The following CNGA3 variants were observed in gnomAD, a reference collection of about 807,000 sequenced individuals.
CNGA3 encodes the protein cyclic nucleotide-gated channel alpha-3.
CNGA3 carries 42 observed loss-of-function variants against 46.6 expected under a neutral mutation model. The ratio of observed to expected loss-of-function variants is 0.90; its 90% CI spans 0.70 to 1.17. CNGA3 has a LOEUF of 1.17. CNGA3 is among the 50% of genes most tolerant of loss of function. The pLI is 0.00. For synonymous variants in CNGA3, 394 were observed against 369.4 expected (o/e 1.07, Z -0.76); for missense variants, 893 against 890.7 (o/e 1.00, Z -0.03).
intron 3 of CNGA3, 38 bp from the exon 4 acceptor site, chr2:98,380,137 T>C: frequency 6.2e-7 from 1 of 1,611,802 alleles, no homozygotes; most frequent in Non-Finnish European, 8.5e-7. Context: ...GGGGGGCTTT[T>C]CCTCTCCCTC....
chr2:98,365,523 C>T (rs1692127038), intron 1 of CNGA3, among the ~76,000 whole-genome samples: 1 of 152,094 alleles, frequency 6.6e-6, no homozygotes, highest in Non-Finnish European at 1.5e-5. Flanking sequence ...TCCATTCTAC[C>T]CATCTCTTTC....
At chr2:98,369,176 G>A (rs11684812) in intron 1 of CNGA3, among the ~76,000 whole-genome samples, 8,108 of 152,236 alleles carry the variant, frequency 0.053, 293 homozygotes, top group Non-Finnish European at 0.082. Context: ...TTCGGCCTAC[G>A]CCCAGGAATG....
In CNGA3 at chr2:98,396,903, G is replaced by T; in HGVS notation, c.1733G>T (p.Cys578Phe). 1.2e-6 allele frequency: 2 copies of T among 1,614,164 alleles called. No homozygotes were observed. The highest frequency in any genetic ancestry group is 1.7e-6 in the Non-Finnish European group (2 of 1,180,042). ...IRSIGYSDLF[C>F]LSKDDLMEAL... ...AGCATTGGCTACTCAGACCTGTTCT[G>T]CCTCTCAAAGGACGATCTCATGGAG... The change falls in exon 8 of 8, where the codon TGC (cysteine) becomes TTC (phenylalanine). Residue 578 changes from cysteine to phenylalanine, a missense_variant. Cys to Phe is a radical substitution (Grantham distance 205, BLOSUM62 -2). This residue lies in a region of CNGA3 where 548 missense variants were observed against 570.8 expected (regional missense o/e 0.96). Coordinates refer to ENST00000272602, the MANE Select transcript of CNGA3 (RefSeq NM_001298.3).
rs750456621 is a variant in CNGA3, at chr2:98,396,882, T to C, written c.1712T>C (p.Ile571Thr). 33 of 1,614,038 alleles carry C rather than the reference T, an allele frequency of 2.0e-5. No homozygotes were observed. The highest frequency in any genetic ancestry group is 2.7e-5 in the African/African-American group (2 of 74,906). ...GNRRTANIRS[I>T]GYSDLFCLSK... ...CGCAGGACGGCCAACATCCGCAGCATTGGCTACTCAGACCTGTTCTGCCTC... is the reference window on the plus strand; with the variant it reads ...CGCAGGACGGCCAACATCCGCAGCACTGGCTACTCAGACCTGTTCTGCCTC... Residue 571 changes from isoleucine (I) to threonine (T), a missense_variant, in exon 8 of 8, where the codon ATT becomes ACT. This residue lies in a region of CNGA3 where 548 missense variants were observed against 570.8 expected (regional missense o/e 0.96). Coordinates refer to ENST00000272602, the MANE Select transcript of CNGA3 (RefSeq NM_001298.3).
At chr2:98,378,433 A>G (rs1296166031) in intron 3 of CNGA3, among the ~76,000 whole-genome samples, 1 of 152,224 alleles carries the variant, frequency 6.6e-6, no homozygotes, top group Non-Finnish European at 1.5e-5. Context: ...GACTCACGGC[A>G]GGTGCTCAAC....
At chr2:98,370,380 C>T (rs1274125260) in intron 2 of CNGA3, among the ~76,000 whole-genome samples, 1 of 152,218 alleles carries the variant, frequency 6.6e-6, no homozygotes, top group African/African-American at 2.4e-5. Context: ...AGAACTTCCT[C>T]AAACTGACAC....
chr2:98,368,375 G>A lies in CNGA3; in HGVS notation c.-37-1564G>A, dbSNP rs376919441. Among the ~76,000 whole-genome samples the A allele has an allele frequency of 9.8e-5, 15 of 152,328 alleles. No homozygotes were observed. The East Asian group carries it at 1.5e-3, about 16-fold the overall frequency. On this transcript the variant is annotated intron_variant, in intron 1 of 7. Transcript: ENST00000272602. The stretch of plus-strand genomic sequence containing the variant: ...CCACTGACATCTGACACACTTAAAC[G>A]ATGTGGCTGCTCAAGAGAGCCTGTG...
At chr2:98,360,789 T>A (rs1013605791) in intron 1 of CNGA3, among the ~76,000 whole-genome samples, 1 of 152,202 alleles carries the variant, frequency 6.6e-6, no homozygotes, top group Non-Finnish European at 1.5e-5. Context: ...ACCTCACACG[T>A]TCTTTGGAAA....
chr2:98,360,700 G>T (rs939057012), intron 1 of CNGA3, among the ~76,000 whole-genome samples: 1 of 152,162 alleles, frequency 6.6e-6, no homozygotes, highest in Non-Finnish European at 1.5e-5. Flanking sequence ...ATGAGGCCGG[G>T]GGGAGGTGGG....
chr2:98,397,746 T>A lies in CNGA3; in HGVS notation c.*491T>A, dbSNP rs534191263. ...TACACAAGACAGTTTGAGGCATATT[T>A]CTTAATCTGGTATCACCTCGTGTGT... On this transcript the variant is annotated 3_prime_UTR_variant, in exon 8 of 8. Coordinates refer to ENST00000272602, the MANE Select transcript of CNGA3 (RefSeq NM_001298.3). 2 of 181,532 alleles carry A rather than the reference T, an allele frequency of 1.1e-5. No homozygotes were observed. Among genetic ancestry groups the A allele is most frequent in the African/African-American group, 4.8e-5 (2 of 42,086 alleles). The allele number at this position is 181,532 out of a possible 1,614,324, so 11.2% of individuals were successfully genotyped here.
At chr2:98,373,870 T>C (rs1304514466) in intron 2 of CNGA3, among the ~76,000 whole-genome samples, 1 of 152,078 alleles carries the variant, frequency 6.6e-6, no homozygotes, top group Non-Finnish European at 1.5e-5. Flanking sequence ...GACAGAAGAG[T>C]GGTCTTCTTG....
chr2:98,378,151 T>A, intron 3 of CNGA3: 1 of 1,550,706 alleles, frequency 6.4e-7, no homozygotes, highest in Non-Finnish European at 8.7e-7. Context: ...AGTGGTGTGC[T>A]GAGGATGGTG....
At chr2:98,390,387 G>T (rs1261197676) in intron 6 of CNGA3, among the ~76,000 whole-genome samples, 2 of 151,852 alleles carry the variant, frequency 1.3e-5, no homozygotes, top group Non-Finnish European at 2.9e-5. Context: ...CACCTCAAAT[G>T]ATCTGCCCAC....
At chr2:98,391,703 C>T (rs923894967) in intron 6 of CNGA3, among the ~76,000 whole-genome samples, 161 bp from the exon 7 acceptor site, 31 of 152,168 alleles carry the variant, frequency 2.0e-4, no homozygotes, top group African/African-American at 7.2e-4. Context: ...GACATCTCAT[C>T]AGAAGCGGGG....
intron 1 of CNGA3, among the ~76,000 whole-genome samples, chr2:98,358,677 C>T (rs1034297985): frequency 2.0e-5 from 3 of 152,048 alleles, no homozygotes; most frequent in African/African-American, 7.2e-5. Context: ...AAGATTGGTT[C>T]CTTATTTGGT....
chr2:98,368,417 A>T (rs1692211572), intron 1 of CNGA3, among the ~76,000 whole-genome samples: 1 of 152,242 alleles, frequency 6.6e-6, no homozygotes, highest in Non-Finnish European at 1.5e-5. Flanking sequence ...TATTTTAGAG[A>T]AACCATCCTC....
At chr2:98,354,356 G>A (rs542200203) in intron 1 of CNGA3, among the ~76,000 whole-genome samples, 9 of 152,252 alleles carry the variant, frequency 5.9e-5, no homozygotes, top group South Asian at 4.2e-4. Flanking sequence ...GACTAAATAC[G>A]TGGAGAATGT....
At chr2:98,355,395 C>T (rs1691858911) in intron 1 of CNGA3, among the ~76,000 whole-genome samples, 1 of 152,136 alleles carries the variant, frequency 6.6e-6, no homozygotes, top group Admixed American at 6.5e-5. Context: ...CACATTCACA[C>T]ATAAAATATA....
intron 3 of CNGA3, among the ~76,000 whole-genome samples, chr2:98,378,430 G>A (rs182588163): frequency 7.9e-5 from 12 of 152,258 alleles, no homozygotes; most frequent in East Asian, 3.9e-4. Context: ...ACCGACTCAC[G>A]GCAGGTGCTC....
Sources: gnomAD v4.1 joint callset for allele counts (sites outside exome capture counted in the v4.1 genomes callset) on GRCh38, gnomAD v4.1.1 for gene constraint, gnomAD v4.1.1 regional missense constraint, MANE v1.5 for transcripts, NCBI Gene and HGNC (gene_info 2026-07-23, HGNC 2026-07-21) for gene names.